Variants in ANKRD55 observed in about 807,000 individuals in gnomAD.
ANKRD55 encodes ankyrin repeat domain-containing protein 55.
Under a neutral mutation model 60.6 loss-of-function variants are expected in ANKRD55, and 41 were observed. That is an observed-to-expected ratio of 0.68 (90% CI 0.53 to 0.88). ANKRD55 has a LOEUF of 0.88. Ranked by LOEUF, ANKRD55 falls within the 40% of genes least tolerant of loss-of-function variation. The probability of loss-of-function intolerance (pLI) is 0.00; values close to 1 mark genes in which losing one functional copy is unlikely to be tolerated. For missense variants in ANKRD55, 732 were observed against 767.6 expected (o/e 0.95, Z 0.55); for synonymous variants, 264 against 290.3 (o/e 0.91, Z 0.92).
At chr5:56,135,368 CTTCT>C (rs1166549081) in intron 7 of ANKRD55, among the ~76,000 whole-genome samples, 3 of 49,186 alleles carry the variant, frequency 6.1e-5, no homozygotes, top group South Asian at 1.2e-3. Context: ...TCTTTCTTTC[CTTCT>C]TTCTTTCTTT....
intron 6 of ANKRD55, among the ~76,000 whole-genome samples, chr5:56,153,200 G>A (rs543199428): frequency 6.6e-6 from 1 of 152,152 alleles, no homozygotes; most frequent in South Asian, 2.1e-4. Flanking sequence ...TCATTAATCA[G>A]GGAAAATGCA....
rs321776 is a variant in ANKRD55, at chr5:56,111,715, C to T, written c.1033G>A (p.Val345Met). 383,555 of 1,518,784 alleles carry T rather than the reference C, an allele frequency of 0.25. 50,119 individuals carry two copies. Among genetic ancestry groups the T allele is most frequent in the East Asian group, 0.31 (13,854 of 44,106 alleles). 94.1% of individuals were successfully genotyped at this position (1,518,784 alleles called of 1,614,324 possible). A position where few individuals can be genotyped will look rare whatever the true frequency, so the allele number is the denominator to read the frequency against. The change falls in exon 10 of 12, where the codon GTG becomes ATG. Residue 345 changes from valine to methionine, a missense_variant. Val to Met is a conservative substitution (Grantham distance 21). Transcript: ENST00000341048. ...RPQKKERRFN[V>M]LNQIFCKNKK... ...TTTTTGCAGAATATTTGGTTGAGCA[C>T]GTTGAACCGTCTCTCCTTCTTCTGG... is the stretch of plus-strand genomic sequence containing the variant.
intron 9 of ANKRD55, among the ~76,000 whole-genome samples, chr5:56,116,379 G>A (rs1756887092): frequency 1.3e-5 from 2 of 152,180 alleles, no homozygotes; most frequent in Non-Finnish European, 2.9e-5. Context: ...ATATTAGGCT[G>A]ATGGATTTGG....
chr5:56,188,758 C>T (rs899610199), intron 2 of ANKRD55, among the ~76,000 whole-genome samples: 1 of 152,114 alleles, frequency 6.6e-6, no homozygotes, highest in Non-Finnish European at 1.5e-5. Flanking sequence ...TGTGATGCCT[C>T]CAGCTTAAGT....
intron 2 of ANKRD55, among the ~76,000 whole-genome samples, chr5:56,212,353 TAAAAA>T (rs1321297837): frequency 1.3e-5 from 2 of 152,028 alleles, no homozygotes; most frequent in Non-Finnish European, 2.9e-5. Flanking sequence ...GATAAACAGA[TAAAAA>T]GTGCTTATCT....
At chr5:56,225,940 C>G (rs1247616902) in intron 2 of ANKRD55, among the ~76,000 whole-genome samples, 1 of 152,210 alleles carries the variant, frequency 6.6e-6, no homozygotes, top group Non-Finnish European at 1.5e-5. Context: ...CCATCCCCGT[C>G]AAGCTACCAA....
intron 5 of ANKRD55, among the ~76,000 whole-genome samples, chr5:56,168,271 A>G (rs961525852): frequency 3.9e-5 from 6 of 152,242 alleles, no homozygotes; most frequent in African/African-American, 1.4e-4. Flanking sequence ...AGTTACCCAC[A>G]GTTCACTGTG....
At chr5:56,173,572 C>CTATA (rs1554041248) in intron 4 of ANKRD55, among the ~76,000 whole-genome samples, 78 of 106,008 alleles carry the variant, frequency 7.4e-4, no homozygotes, top group Admixed American at 1.2e-3. Context: ...CTCTCTCTCT[C>CTATA]TCTCTCTCTC....
At chr5:56,225,673 A>C (rs1428952598) in intron 2 of ANKRD55, among the ~76,000 whole-genome samples, 1 of 152,228 alleles carries the variant, frequency 6.6e-6, no homozygotes, top group African/African-American at 2.4e-5. Flanking sequence ...AATCACAAGC[A>C]TTCTTATACA....
At chr5:56,126,280 T>A (rs1181830401) in intron 8 of ANKRD55, among the ~76,000 whole-genome samples, 1 of 152,266 alleles carries the variant, frequency 6.6e-6, no homozygotes, top group African/African-American at 2.4e-5. Context: ...ATATTTTTCT[T>A]ACATTTCCAT....
rs71602938 is a variant in ANKRD55 at position 56,106,420 on chromosome 5, C to CTTTTTTTTTTTTTTTTTTTTTTTTTTT, written c.1631-3835_1631-3834insAAAAAAAAAAAAAAAAAAAAAAAAAAA. ...AATAAAATCCGTAAGGCTAGGAAAG[C>CTTTTTTTTTTTTTTTTTTTTTTTTTTT]TTTTTTTTTTTTTTTTTTTTTTTGA... On this transcript the variant is annotated intron_variant, in intron 10 of 11. Transcript: ENST00000341048. 2.4e-4 allele frequency among the ~76,000 whole-genome samples: 23 copies of CTTTTTTTTTTTTTTTTTTTTTTTTTTT among 96,914 alleles called. 5 individuals are homozygous for CTTTTTTTTTTTTTTTTTTTTTTTTTTT. The highest frequency in any genetic ancestry group is 1.2e-3 in the African/African-American group (20 of 17,134). The allele number at this position is 96,914 out of a possible 152,430, so 63.6% of individuals were successfully genotyped here.
intron 6 of ANKRD55, among the ~76,000 whole-genome samples, chr5:56,146,417 T>A (rs1580979967): frequency 6.6e-6 from 1 of 151,970 alleles, no homozygotes; most frequent in East Asian, 1.9e-4. Context: ...CCCAAGTAGC[T>A]GAGATTACAG....
At chr5:56,172,558 TG>T (rs759944591) in intron 4 of ANKRD55, among the ~76,000 whole-genome samples, 1 of 150,284 alleles carries the variant, frequency 6.7e-6, no homozygotes, top group Non-Finnish European at 1.5e-5. Context: ...TGGAACTCTG[TG>T]TGTGTCAATG....
intron 10 of ANKRD55, among the ~76,000 whole-genome samples, chr5:56,104,087 C>T (rs1756375109): frequency 3.3e-5 from 5 of 151,956 alleles, no homozygotes; most frequent in South Asian, 4.2e-4. Flanking sequence ...TTTATATTAG[C>T]GAACAACTAT....
At chr5:56,188,839 AC>A (rs1185317721) in intron 2 of ANKRD55, among the ~76,000 whole-genome samples, 1 of 152,166 alleles carries the variant, frequency 6.6e-6, no homozygotes, top group Non-Finnish European at 1.5e-5. Flanking sequence ...GACTGATAAA[AC>A]GTTTTAAAAA....
intron 8 of ANKRD55, among the ~76,000 whole-genome samples, chr5:56,119,901 G>A (rs1487819529): frequency 6.6e-6 from 1 of 152,094 alleles, no homozygotes; most frequent in African/African-American, 2.4e-5. Context: ...CTGGGCAATG[G>A]AGCGAGACCC....
chr5:56,178,326 A>T (rs1213800941), intron 3 of ANKRD55, among the ~76,000 whole-genome samples: 1 of 151,734 alleles, frequency 6.6e-6, no homozygotes. Context: ...ACGTACGGGG[A>T]TTACCGGCGT....
At chr5:56,200,378 A>G (rs1233383424) in intron 2 of ANKRD55, among the ~76,000 whole-genome samples, 1 of 152,214 alleles carries the variant, frequency 6.6e-6, no homozygotes, top group African/African-American at 2.4e-5. Context: ...AAATTGGAAG[A>G]ATAGACAGCC....
At chr5:56,227,032 T>A (rs1205656860) in intron 2 of ANKRD55, among the ~76,000 whole-genome samples, 4 of 131,772 alleles carry the variant, frequency 3.0e-5, no homozygotes, top group Non-Finnish European at 6.4e-5. Context: ...TAAAGACACA[T>A]GCACATGTAT....
Sources: gnomAD v4.1 joint callset for allele counts (sites outside exome capture counted in the v4.1 genomes callset) on GRCh38, gnomAD v4.1.1 for gene constraint, MANE v1.5 for transcripts, NCBI Gene and HGNC (gene_info 2026-07-23, HGNC 2026-07-21) for gene names.